The following CCPG1 variants were observed in gnomAD, a reference collection of about 807,000 sequenced individuals.
CCPG1 encodes the protein cell cycle progression protein 1.
CCPG1 carries 46 observed loss-of-function variants against 81.3 expected under a neutral mutation model. The observed-to-expected ratio is 0.57, with a 90% confidence interval of 0.45 to 0.72. The LOEUF is 0.72. CCPG1 is among the 30% of genes least tolerant of loss of function. The pLI is 0.00. For synonymous variants in CCPG1, 330 were observed against 305.2 expected (o/e 1.08, Z -0.85); for missense variants, 902 against 937.6 (o/e 0.96, Z 0.50).
chr15:55,402,033 A>G (rs1242415836), intron 1 of CCPG1, among the ~76,000 whole-genome samples: 1 of 151,946 alleles, frequency 6.6e-6, no homozygotes, highest in African/African-American at 2.4e-5. Flanking sequence ...CTCCCATGAA[A>G]TTTTCCTAGA....
intron 3 of CCPG1, among the ~76,000 whole-genome samples, chr15:55,379,973 G>A (rs968963290): frequency 6.6e-6 from 1 of 151,366 alleles, no homozygotes; most frequent in African/African-American, 2.4e-5. Context: ...GGTGGTGCGC[G>A]CCTGTAATCC....
rs563342504 is a variant in CCPG1, at chr15:55,403,186, G to C, written c.-10+5035C>G. ...ACAAAGCAATTTCATTTTCATATCT[G>C]ATTTAATCTTCACAAATACCCCCAT... On this transcript the variant is annotated intron_variant, in intron 1 of 8. Transcript: ENST00000442196. 3.3e-5 allele frequency among the ~76,000 whole-genome samples: 5 copies of C among 152,184 alleles called. No homozygotes were observed. The South Asian group carries it at 1.0e-3, about 32-fold the overall frequency.
intron 8 of CCPG1, chr15:55,358,521 G>C (rs1161901034): frequency 1.0e-6 from 1 of 985,256 alleles, no homozygotes. Flanking sequence ...TTAAAGCAGT[G>C]TATCTTCACA....
intron 8 of CCPG1, chr15:55,358,012 T>C (rs185464686): frequency 2.3e-4 from 35 of 149,944 alleles, no homozygotes; most frequent in Admixed American, 1.8e-3. Flanking sequence ...AGTCTGTTAA[T>C]CAGATATACT....
Position 55,397,896 on chromosome 15 carries a change from G to C in CCPG1, c.-9-8463C>G, listed in dbSNP as rs1481148582. Among the ~76,000 whole-genome samples the C allele has an allele frequency of 2.0e-5, 3 of 152,190 alleles. No individual in the cohort carries two copies. The East Asian group carries it at 5.8e-4, about 29-fold the overall frequency. ...GGAGGCTGAGGCAGGAGAATCGCCTGAACTCGGGAGGTGGAGGTTGCAGTG... is the reference window on the plus strand; with the variant it reads ...GGAGGCTGAGGCAGGAGAATCGCCTCAACTCGGGAGGTGGAGGTTGCAGTG... On this transcript the variant is annotated intron_variant, in intron 1 of 8. Transcript: ENST00000442196.
chr15:55,361,490 G>A (rs977473371), intron 7 of CCPG1, among the ~76,000 whole-genome samples: 4 of 151,392 alleles, frequency 2.6e-5, no homozygotes, highest in African/African-American at 4.9e-5. Flanking sequence ...GGTGGATCAC[G>A]AGATCAAGAG....
intron 1 of CCPG1, among the ~76,000 whole-genome samples, chr15:55,400,878 A>T (rs1044868024): frequency 2.6e-5 from 4 of 152,192 alleles, no homozygotes; most frequent in Non-Finnish European, 5.9e-5. Context: ...GTAGTTCCTT[A>T]TAAGTTGGGT....
intron 5 of CCPG1, among the ~76,000 whole-genome samples, chr15:55,375,330 C>T (rs904625872): frequency 6.6e-6 from 1 of 152,138 alleles, no homozygotes; most frequent in African/African-American, 2.4e-5. Context: ...TTCTATAATA[C>T]TCTGGCTTCA....
At chr15:55,399,834 C>G (rs987963191) in intron 1 of CCPG1, 1 of 152,148 alleles carries the variant, frequency 6.6e-6, no homozygotes, top group African/African-American at 2.4e-5. Flanking sequence ...TGGCTCACGT[C>G]TGTAATTCCA....
intron 1 of CCPG1, among the ~76,000 whole-genome samples, chr15:55,392,551 C>T (rs1228789028): frequency 1.3e-5 from 2 of 150,936 alleles, no homozygotes; most frequent in Non-Finnish European, 3.0e-5. Context: ...GACAGGATTT[C>T]GCTTTGTCAC....
chr15:55,389,860 T>G (rs998672057), intron 1 of CCPG1, among the ~76,000 whole-genome samples: 1 of 152,254 alleles, frequency 6.6e-6, no homozygotes, highest in Non-Finnish European at 1.5e-5. Flanking sequence ...AAAGCTCCTA[T>G]GCCAAGAAAA....
chr15:55,380,761 T>C (rs2056672263), intron 3 of CCPG1, among the ~76,000 whole-genome samples: 1 of 151,812 alleles, frequency 6.6e-6, no homozygotes, highest in Admixed American at 6.6e-5. Context: ...ATGCCTGTAA[T>C]CCCAGCACTT....
At chr15:55,365,792 T>G (rs1197542464) in intron 6 of CCPG1, among the ~76,000 whole-genome samples, 2 of 151,760 alleles carry the variant, frequency 1.3e-5, no homozygotes, top group Non-Finnish European at 2.9e-5. Context: ...ATTACATAAA[T>G]AGAGAATAAG....
Position 55,355,358 on chromosome 15 carries a change from G to T in CCPG1, c.*862C>A. ...TTTCTTCCACACTCACTTGCCAGAG[G>T]GTCGAATTGGAAGTCACATATATGT... On this transcript the variant is annotated 3_prime_UTR_variant, in exon 9 of 9. Transcript: ENST00000442196. 6.2e-7 allele frequency: 1 copy of T among 1,610,490 alleles called. No homozygotes were observed. Among genetic ancestry groups the T allele is most frequent in the Non-Finnish European group, 8.5e-7 (1 of 1,177,010 alleles).
chr15:55,367,520 A>G (rs1191372764), intron 6 of CCPG1, among the ~76,000 whole-genome samples: 6 of 152,044 alleles, frequency 3.9e-5, no homozygotes. Context: ...AGATTTTGCT[A>G]TCACTCCTAT....
rs556670892 is a variant in CCPG1 at position 55,375,688 on chromosome 15, C to CTT, written c.454+1259_454+1260dup. ...TAAATGAGATAGCCAAGAATCTCTA[C>CTT]TTTTTTTTTTTTTTTTTGAGACAGG... is the stretch of plus-strand genomic sequence containing the variant. On this transcript the variant is annotated intron_variant, in intron 5 of 8. Coordinates refer to ENST00000442196, the MANE Select transcript of CCPG1 (RefSeq NM_001204450.2). Among the ~76,000 whole-genome samples, 48 of 139,558 alleles carry CTT rather than the reference C, an allele frequency of 3.4e-4. 1 individual carries two copies. Among genetic ancestry groups the CTT allele is most frequent in the Admixed American group, 9.4e-4 (13 of 13,838 alleles). The allele number at this position is 139,558 out of a possible 152,430, so 91.6% of individuals were successfully genotyped here. A position where few individuals can be genotyped will look rare whatever the true frequency, so the allele number is the denominator to read the frequency against.
intron 5 of CCPG1, chr15:55,373,150 G>T (rs2141272638): frequency 2.5e-6 from 1 of 404,416 alleles, no homozygotes; most frequent in Non-Finnish European, 4.8e-6. Context: ...CAAATTCCCT[G>T]GAAAAAATCA....
intron 1 of CCPG1, chr15:55,398,103 G>C (rs2057057133): frequency 6.6e-6 from 1 of 152,168 alleles, no homozygotes. Flanking sequence ...TCAGGGGAGA[G>C]TTAGAGGCTA....
In CCPG1 at chr15:55,360,217, T is replaced by C; in HGVS notation, c.1556A>G (p.Lys519Arg). 1 of 1,613,764 alleles carries C rather than the reference T, an allele frequency of 6.2e-7. No individual in the cohort carries two copies. Among genetic ancestry groups the C allele is most frequent in the Non-Finnish European group, 8.5e-7 (1 of 1,179,946 alleles). The change falls in exon 8 of 9, where the codon AAG (lysine) becomes AGG (arginine). Residue 519 changes from lysine (K) to arginine (R), a missense_variant. Physicochemically the swap from Lys to Arg is conservative, Grantham distance 26. Around this residue, in one of 3 missense-constraint regions of CCPG1, gnomAD observed 746 missense variants for 728.6 expected, o/e 1.02. Transcript: ENST00000442196. ...EKIKQAKEAVKENLKKFSDSV... is the reference protein window; with the variant it reads ...EKIKQAKEAVRENLKKFSDSV... ...ATCTGAGAATTTTTTCAGATTTTCC[T>C]TCACAGCTTCTTTAGCCTGCTTAAT...
Sources: gnomAD v4.1 joint callset for allele counts (sites outside exome capture counted in the v4.1 genomes callset) on GRCh38, gnomAD v4.1.1 for gene constraint, gnomAD v4.1.1 regional missense constraint, MANE v1.5 for transcripts, NCBI Gene and HGNC (gene_info 2026-07-23, HGNC 2026-07-21) for gene names.